The following LMO7 variants were observed in gnomAD, a reference collection of about 807,000 sequenced individuals.
The protein encoded by LMO7 is LIM domain only protein 7.
A neutral mutation model predicts 206.5 loss-of-function variants in LMO7; 120 were observed. The observed-to-expected ratio is 0.58, with a 90% CI of 0.50 to 0.68. LMO7 has a LOEUF of 0.68. LMO7 is among the 30% of genes least tolerant of loss of function. The probability of loss-of-function intolerance (pLI) is 0.00; values close to 1 mark genes in which losing one functional copy is unlikely to be tolerated. For synonymous variants in LMO7, 706 were observed against 681.5 expected (o/e 1.04, Z -0.56); for missense variants, 1,959 against 1,957.9 (o/e 1.00, Z -0.01).
In LMO7 at chr13:75,858,794, T is replaced by C. The variant is rs2061141837; in HGVS notation, c.*851T>C. On this transcript the variant is annotated 3_prime_UTR_variant, in exon 31 of 31. Coordinates refer to ENST00000377534, the MANE Select transcript of LMO7 (RefSeq NM_001306080.2). ...ATCCAGTAGCTTTACTAAGGTATAA[T>C]TGATGTAATAAACTGCATATATTTA... 6.6e-6 allele frequency: 1 copy of C among 152,478 alleles called. No individual in the cohort carries two copies. The highest frequency in any genetic ancestry group is 2.4e-5 in the African/African-American group (1 of 41,478). The allele number at this position is 152,478 out of a possible 1,614,324, so 9.4% of individuals were successfully genotyped here.
intron 24 of LMO7, among the ~76,000 whole-genome samples, chr13:75,842,619 G>A (rs1007542634): frequency 7.2e-5 from 11 of 152,136 alleles, no homozygotes; most frequent in African/African-American, 2.7e-4. Context: ...ACTGGAATAT[G>A]GTGGGGACTC....
intron 11 of LMO7, 37 bp downstream of exon 11, chr13:75,809,220 G>T: frequency 1.3e-6 from 2 of 1,574,104 alleles, no homozygotes; most frequent in East Asian, 2.2e-5. Flanking sequence ...ATCTGTGCGT[G>T]TTGTTTGTTC....
chr13:75,768,128 C>A (rs1311108904), intron 4 of LMO7, among the ~76,000 whole-genome samples: 1 of 151,984 alleles, frequency 6.6e-6, no homozygotes, highest in East Asian at 1.9e-4. Context: ...ATTGAATTAT[C>A]ATTCTGATCA....
chr13:75,824,489 A>G (rs1366197338), intron 15 of LMO7, among the ~76,000 whole-genome samples: 2 of 152,230 alleles, frequency 1.3e-5, no homozygotes, highest in Non-Finnish European at 2.9e-5. Context: ...AAAATATACC[A>G]TCAGATGAAG....
intron 1 of LMO7, among the ~76,000 whole-genome samples, chr13:75,652,616 TG>T (rs2037691836): frequency 1.4e-5 from 1 of 73,788 alleles, no homozygotes; most frequent in Admixed American, 1.3e-4. Flanking sequence ...ACAAGTTCAG[TG>T]TGTGTGTGTG....
chr13:75,764,672 A>G (rs995553671), intron 4 of LMO7, among the ~76,000 whole-genome samples: 4 of 152,188 alleles, frequency 2.6e-5, no homozygotes, highest in Non-Finnish European at 5.9e-5. Flanking sequence ...CCATTGCTCT[A>G]TATATCAAAA....
At chr13:75,780,430 A>C (rs1050854233) in intron 4 of LMO7, among the ~76,000 whole-genome samples, 2 of 152,196 alleles carry the variant, frequency 1.3e-5, no homozygotes, top group Non-Finnish European at 2.9e-5. Flanking sequence ...GTTTTGGAAG[A>C]AGAGAAATAT....
intron 15 of LMO7, among the ~76,000 whole-genome samples, chr13:75,831,254 A>T (rs9544050): frequency 0.13 from 19,904 of 152,224 alleles, 1,716 homozygotes; most frequent in Admixed American, 0.22. Context: ...ACCCACTGAG[A>T]TATAAACAAT....
chr13:75,693,995 C>T (rs1468927399), intron 1 of LMO7, among the ~76,000 whole-genome samples: 1 of 151,560 alleles, frequency 6.6e-6, no homozygotes, highest in Non-Finnish European at 1.5e-5. Flanking sequence ...AATCATTTTG[C>T]TTTTAGGGGA....
At chr13:75,781,945 A>G (rs1322845628) in intron 4 of LMO7, among the ~76,000 whole-genome samples, 1 of 152,090 alleles carries the variant, frequency 6.6e-6, no homozygotes, top group Non-Finnish European at 1.5e-5. Flanking sequence ...GTGTCTGTTC[A>G]TATCCTTTGC....
intron 20 of LMO7, 23 bp from the exon 21 acceptor site, chr13:75,840,062 C>G: frequency 6.2e-7 from 1 of 1,611,814 alleles, no homozygotes; most frequent in Non-Finnish European, 8.5e-7. Context: ...ATTTTTCTTC[C>G]TTGCCCATGT....
intron 4 of LMO7, among the ~76,000 whole-genome samples, chr13:75,766,066 C>A (rs1200819211): frequency 3.9e-5 from 6 of 152,102 alleles, no homozygotes; most frequent in Non-Finnish European, 7.4e-5. Flanking sequence ...TGTTTTGTCT[C>A]CTCTGATCAG....
chr13:75,634,959 C>CGGT (rs1380544711), upstream of LMO7, among the ~76,000 whole-genome samples: 1 of 151,300 alleles, frequency 6.6e-6, no homozygotes, highest in African/African-American at 2.4e-5. Flanking sequence ...TGAGCCGACA[C>CGGT]GGTGCTACTG....
chr13:75,810,851 A>G (rs1217519129), intron 11 of LMO7, among the ~76,000 whole-genome samples: 1 of 152,232 alleles, frequency 6.6e-6, no homozygotes, highest in Non-Finnish European at 1.5e-5. Flanking sequence ...AGAAGACAGA[A>G]ACCTAAAACC....
At chr13:75,686,486 C>T (rs558526552) in intron 1 of LMO7, among the ~76,000 whole-genome samples, 1 of 150,358 alleles carries the variant, frequency 6.7e-6, no homozygotes, top group Admixed American at 6.6e-5. Flanking sequence ...ACAGCCACAC[C>T]ATATCAAGGG....
chr13:75,710,826 C>T (rs1232371027), intron 1 of LMO7, among the ~76,000 whole-genome samples: 1 of 151,970 alleles, frequency 6.6e-6, no homozygotes, highest in Non-Finnish European at 1.5e-5. Flanking sequence ...CCAGAACTTC[C>T]AACACTATGT....
intron 20 of LMO7, among the ~76,000 whole-genome samples, chr13:75,839,480 T>C (rs2059402623): frequency 6.6e-6 from 1 of 152,242 alleles, no homozygotes; most frequent in African/African-American, 2.4e-5. Flanking sequence ...TATACTTACA[T>C]AGGTCCCCTA....
intron 4 of LMO7, among the ~76,000 whole-genome samples, chr13:75,791,221 C>T (rs1467381661): frequency 6.6e-6 from 1 of 152,032 alleles, no homozygotes; most frequent in East Asian, 1.9e-4. Flanking sequence ...GTACAAAGCA[C>T]TTTGGTCTTT....
At chr13:75,658,041 T>C (rs1185857607) in intron 1 of LMO7, among the ~76,000 whole-genome samples, 1 of 152,022 alleles carries the variant, frequency 6.6e-6, no homozygotes, top group Non-Finnish European at 1.5e-5. Flanking sequence ...GTGGCCAACC[T>C]TTCCCAGCAC....
Sources: allele counts gnomAD v4.1 joint callset (sites outside exome capture counted in the v4.1 genomes callset), GRCh38; gene constraint gnomAD v4.1.1; transcripts MANE v1.5; gene names NCBI Gene and HGNC (gene_info 2026-07-23, HGNC 2026-07-21).